Variants in ADGRB3 observed in about 807,000 individuals in gnomAD.
ADGRB3 encodes the protein adhesion G protein-coupled receptor B3.
A neutral mutation model predicts 193.4 loss-of-function variants in ADGRB3; 37 were observed. The observed-to-expected ratio is 0.19, with a 90% CI of 0.15 to 0.25. The LOEUF (loss-of-function observed/expected upper bound fraction) is 0.25, where lower values mean the gene tolerates loss of function less well. Ranked by LOEUF, ADGRB3 falls within the 10% of genes least tolerant of loss-of-function variation. The pLI is 1.00. For missense variants in ADGRB3, 1,637 were observed against 1,852.9 expected, an observed-to-expected ratio of 0.88 and a Z score of 2.14; for synonymous variants, 690 against 644.2, an observed-to-expected ratio of 1.07 and a Z score of -1.08.
intron 13 of ADGRB3, among the ~76,000 whole-genome samples, chr6:69,019,071 G>A (rs872254): frequency 6.6e-6 from 1 of 151,982 alleles, no homozygotes; most frequent in Admixed American, 6.6e-5. Context: ...TCCCTCTGTA[G>A]TGGATTCTGT....
At chr6:69,204,801 G>C (rs1256908439) in intron 17 of ADGRB3, among the ~76,000 whole-genome samples, 1 of 151,838 alleles carries the variant, frequency 6.6e-6, no homozygotes, top group Non-Finnish European at 1.5e-5. Flanking sequence ...CCGTTTCCAA[G>C]ACTGTAAAAT....
chr6:68,958,895 G>A (rs941529863), intron 8 of ADGRB3, among the ~76,000 whole-genome samples: 1 of 151,656 alleles, frequency 6.6e-6, no homozygotes, highest in African/African-American at 2.4e-5. Flanking sequence ...GTGTGTGTGT[G>A]TGTGTGTGTG....
chr6:69,041,009 G>C (rs972206223), intron 13 of ADGRB3, among the ~76,000 whole-genome samples: 1 of 152,072 alleles, frequency 6.6e-6, no homozygotes, highest in African/African-American at 2.4e-5. Flanking sequence ...CTGGAACTTG[G>C]AGATCTTAAC....
intron 3 of ADGRB3, among the ~76,000 whole-genome samples, chr6:68,889,294 A>G (rs1766004568): frequency 6.6e-6 from 1 of 152,166 alleles, no homozygotes; most frequent in South Asian, 2.1e-4. Flanking sequence ...TATGACTGAA[A>G]AAAACAAGGT....
chr6:69,255,555 T>C (rs1766743709), intron 20 of ADGRB3, among the ~76,000 whole-genome samples: 1 of 152,236 alleles, frequency 6.6e-6, no homozygotes, highest in Non-Finnish European at 1.5e-5. Context: ...GGTTGTTTGT[T>C]TTTTTCTTGT....
intron 10 of ADGRB3, among the ~76,000 whole-genome samples, chr6:68,983,748 T>A (rs922086777): frequency 6.6e-6 from 1 of 151,966 alleles, no homozygotes. Flanking sequence ...CGATTAAAAA[T>A]AATTACAAAT....
chr6:68,855,127 T>A (rs114837098), intron 3 of ADGRB3, among the ~76,000 whole-genome samples: 1 of 152,220 alleles, frequency 6.6e-6, no homozygotes, highest in Non-Finnish European at 1.5e-5. Context: ...ATTATTACAT[T>A]GTCCCTTTAT....
At chr6:68,956,558 G>T (rs543576561) in intron 7 of ADGRB3, 87 bp from the exon 8 acceptor site, 1 of 1,493,384 alleles carries the variant, frequency 6.7e-7, no homozygotes. Flanking sequence ...AACAAAAATG[G>T]AAGGGGTAGT....
chr6:68,812,531 T>C (rs1164243214), intron 3 of ADGRB3, among the ~76,000 whole-genome samples: 14 of 152,168 alleles, frequency 9.2e-5, no homozygotes. Context: ...TTGCTAATGT[T>C]ACCATTTCCT....
At chr6:68,781,849 G>A (rs1213971124) in intron 3 of ADGRB3, among the ~76,000 whole-genome samples, 2 of 152,020 alleles carry the variant, frequency 1.3e-5, no homozygotes, top group Non-Finnish European at 2.9e-5. Context: ...AAAAGCCAGG[G>A]AGCCAAGAAA....
chr6:68,653,096 G>T, intron 3 of ADGRB3, among the ~76,000 whole-genome samples: 1 of 152,050 alleles, frequency 6.6e-6, no homozygotes, highest in South Asian at 2.1e-4. Context: ...TCATTTTATT[G>T]CTGGAGTAAG....
intron 26 of ADGRB3, among the ~76,000 whole-genome samples, chr6:69,347,645 TGTG>T (rs1769130403): frequency 6.6e-6 from 1 of 151,926 alleles, no homozygotes; most frequent in Non-Finnish European, 1.5e-5. Flanking sequence ...TTTAGCCAGG[TGTG>T]GTGGTGTGCA....
intron 20 of ADGRB3, among the ~76,000 whole-genome samples, chr6:69,247,072 A>C (rs752563270): frequency 1.3e-5 from 2 of 152,140 alleles, no homozygotes; most frequent in African/African-American, 2.4e-5. Context: ...TGACCACTAT[A>C]ACATTCTTCT....
At position 69,355,801 on chromosome 6, in the gene ADGRB3, C is replaced by A. The variant is rs1561997343; in HGVS notation, c.3556-20C>A. ...TCTTCATTAAATGATGGTTCTATGT[C>A]TTATTATTTATTGTTACAGACAGAC... On this transcript the variant is annotated intron_variant, in intron 27 of 31. Coordinates refer to ENST00000370598, the MANE Select transcript of ADGRB3 (RefSeq NM_001704.3). 6 of 1,592,344 alleles carry A rather than the reference C, an allele frequency of 3.8e-6. No homozygotes were observed. Among genetic ancestry groups the A allele is most frequent in the South Asian group, 1.1e-5 (1 of 90,246 alleles).
intron 20 of ADGRB3, among the ~76,000 whole-genome samples, chr6:69,282,429 C>T (rs1247370918): frequency 2.0e-5 from 3 of 151,992 alleles, no homozygotes; most frequent in Non-Finnish European, 2.9e-5. Context: ...AATGAAGGCA[C>T]GGGAGAGTCT....
At chr6:68,643,644 T>C (rs530482896) in intron 3 of ADGRB3, among the ~76,000 whole-genome samples, 10 of 151,956 alleles carry the variant, frequency 6.6e-5, no homozygotes, top group East Asian at 1.9e-4. Context: ...CATCAATATT[T>C]TCATCTCGGC....
intron 20 of ADGRB3, among the ~76,000 whole-genome samples, chr6:69,260,555 C>T (rs1362511738): frequency 2.0e-5 from 3 of 152,136 alleles, no homozygotes; most frequent in Non-Finnish European, 4.4e-5. Flanking sequence ...ATGACTTGGG[C>T]ACGTCTTCTA....
intron 3 of ADGRB3, among the ~76,000 whole-genome samples, chr6:68,699,152 A>G (rs1369734132): frequency 6.6e-6 from 1 of 152,134 alleles, no homozygotes; most frequent in South Asian, 2.1e-4. Flanking sequence ...AATGGACATT[A>G]ACTCTTCTGT....
At chr6:68,657,872 C>T (rs1768529085) in intron 3 of ADGRB3, among the ~76,000 whole-genome samples, 1 of 151,262 alleles carries the variant, frequency 6.6e-6, no homozygotes, top group Non-Finnish European at 1.5e-5. Flanking sequence ...ACTGGCATTG[C>T]ACAACTTAAC....
Sources: allele counts gnomAD v4.1 joint callset (sites outside exome capture counted in the v4.1 genomes callset), GRCh38; gene constraint gnomAD v4.1.1; transcripts MANE v1.5; gene names NCBI Gene and HGNC (gene_info 2026-07-23, HGNC 2026-07-21).